DNAJC3: variants seen among roughly 807,000 people sequenced by gnomAD.
The protein encoded by DNAJC3 is dnaJ homolog subfamily C member 3.
In DNAJC3, 38 loss-of-function variants were observed where a neutral mutation model predicts 68.6. The ratio of observed to expected loss-of-function variants is 0.55; its 90% CI spans 0.43 to 0.73. DNAJC3 has a LOEUF of 0.73. Among genes scored for constraint, DNAJC3 ranks in the 30% least tolerant of loss-of-function variants. The pLI is 0.00. For synonymous variants in DNAJC3, 203 were observed against 204.0 expected (o/e 1.00, Z 0.04); for missense variants, 526 against 591.9 (o/e 0.89, Z 1.16).
At chr13:95,757,574 C>T in intron 4 of DNAJC3, 70 bp from the exon 5 acceptor site, 1 of 1,396,544 alleles carries the variant, frequency 7.2e-7, no homozygotes. Context: ...AATGGTTTAC[C>T]CTTGTGTATA....
At chr13:95,740,608 G>C (rs1326222209) in intron 4 of DNAJC3, among the ~76,000 whole-genome samples, 2 of 152,214 alleles carry the variant, frequency 1.3e-5, no homozygotes, top group Admixed American at 6.5e-5. Flanking sequence ...CTTTGACTCA[G>C]AAAGGGAACT....
At chr13:95,768,983 TTATCTATATCTATATCTATATCTA>T (rs67826872) in intron 9 of DNAJC3, among the ~76,000 whole-genome samples, 28,471 of 148,164 alleles carry the variant, frequency 0.19, 3,609 homozygotes, top group African/African-American at 0.35. Flanking sequence ...CTCCAAAAAA[TTATCTATATCTATATCTATATCTA>T]TATCTATATC....
At chr13:95,719,477 A>G (rs997034934) in intron 2 of DNAJC3, among the ~76,000 whole-genome samples, 1 of 152,156 alleles carries the variant, frequency 6.6e-6, no homozygotes, top group African/African-American at 2.4e-5. Flanking sequence ...AGAGTACTCA[A>G]AGTTCCAACC....
chr13:95,695,033 A>T (rs1198502831), intron 1 of DNAJC3: 1 of 152,314 alleles, frequency 6.6e-6, no homozygotes, highest in African/African-American at 2.4e-5. Context: ...GCCATTCCAT[A>T]TATTGGAACG....
At chr13:95,713,861 A>G (rs1022684581) in intron 2 of DNAJC3, among the ~76,000 whole-genome samples, 1 of 152,216 alleles carries the variant, frequency 6.6e-6, no homozygotes, top group East Asian at 1.9e-4. Context: ...GGGATGAGTC[A>G]GATACCCCAG....
At chr13:95,719,455 C>T (rs903269051) in intron 2 of DNAJC3, among the ~76,000 whole-genome samples, 3 of 152,248 alleles carry the variant, frequency 2.0e-5, no homozygotes, top group Non-Finnish European at 2.9e-5. Flanking sequence ...TTCAACAACC[C>T]GAGGAGGGTA....
intron 4 of DNAJC3, among the ~76,000 whole-genome samples, chr13:95,735,915 G>C (rs1881901026): frequency 6.6e-6 from 1 of 152,186 alleles, no homozygotes; most frequent in African/African-American, 2.4e-5. Context: ...GTCCTGAATG[G>C]TAATGCCTAG....
rs3086610 is a variant in DNAJC3, at chr13:95,679,199, CTTT to C, written c.82+1881_82+1883del. On this transcript the variant is annotated intron_variant, in intron 1 of 11. Transcript: ENST00000602402. Reference sequence around the variant, plus strand: ...TGGCAGCTGAGAAAAAAAATCAGCACTTTTTTTTTTTTTTTTTTTTTGTAATTA... The same window carrying C: ...TGGCAGCTGAGAAAAAAAATCAGCACTTTTTTTTTTTTTTTTTTGTAATTA... Among the ~76,000 whole-genome samples, 699 of 108,388 alleles carry C rather than the reference CTTT, an allele frequency of 6.4e-3. 3 individuals are homozygous for C. The highest frequency in any genetic ancestry group is 8.1e-3 in the Non-Finnish European group (460 of 57,040). The allele number at this position is 108,388 out of a possible 152,430, so 71.1% of individuals were successfully genotyped here.
At chr13:95,788,401 C>T (rs1182667283) in intron 11 of DNAJC3, among the ~76,000 whole-genome samples, 1 of 152,218 alleles carries the variant, frequency 6.6e-6, no homozygotes, top group African/African-American at 2.4e-5. Context: ...ATGGGTGTCC[C>T]TGCACAGAGG....
intron 2 of DNAJC3, among the ~76,000 whole-genome samples, chr13:95,715,607 C>T (rs905056620): frequency 2.6e-5 from 4 of 151,452 alleles, no homozygotes; most frequent in African/African-American, 9.7e-5. Flanking sequence ...GCCTCCTGAG[C>T]AGCCCGAGCA....
intron 1 of DNAJC3, among the ~76,000 whole-genome samples, chr13:95,686,879 A>G (rs923796968): frequency 1.3e-5 from 2 of 152,096 alleles, no homozygotes; most frequent in Admixed American, 6.5e-5. Flanking sequence ...TTGGTGCTGT[A>G]TGGACTTTAG....
chr13:95,786,756 G>T (rs1456578370), intron 10 of DNAJC3, among the ~76,000 whole-genome samples: 1 of 152,064 alleles, frequency 6.6e-6, no homozygotes, highest in Non-Finnish European at 1.5e-5. Flanking sequence ...TTTAAAAAAG[G>T]GAAAGTTCTA....
intron 5 of DNAJC3, among the ~76,000 whole-genome samples, chr13:95,759,028 A>G (rs1882744998): frequency 6.6e-6 from 1 of 152,152 alleles, no homozygotes; most frequent in Non-Finnish European, 1.5e-5. Flanking sequence ...ATTTATGTAT[A>G]ATGTTGGTTT....
chr13:95,740,489 C>A (rs1882097748), intron 4 of DNAJC3, among the ~76,000 whole-genome samples: 1 of 152,234 alleles, frequency 6.6e-6, no homozygotes, highest in Non-Finnish European at 1.5e-5. Context: ...ACCCTCCGAG[C>A]CAGGTGCCGG....
chr13:95,752,469 G>A (rs1394308900), intron 4 of DNAJC3, among the ~76,000 whole-genome samples: 2 of 152,108 alleles, frequency 1.3e-5, no homozygotes, highest in Non-Finnish European at 2.9e-5. Flanking sequence ...GTTGTGATTT[G>A]TGCTTTGGTT....
intron 4 of DNAJC3, among the ~76,000 whole-genome samples, chr13:95,730,856 A>G (rs1593986295): frequency 6.6e-6 from 1 of 152,162 alleles, no homozygotes; most frequent in East Asian, 1.9e-4. Flanking sequence ...TGACATTGGT[A>G]TTTTGATACA....
chr13:95,738,917 C>G (rs1457112523), intron 4 of DNAJC3, among the ~76,000 whole-genome samples: 1 of 151,914 alleles, frequency 6.6e-6, no homozygotes, highest in Non-Finnish European at 1.5e-5. Context: ...TCTTCCTAGT[C>G]TCGATGGTCT....
intron 2 of DNAJC3, among the ~76,000 whole-genome samples, chr13:95,717,512 G>A (rs1178304366): frequency 6.6e-6 from 1 of 152,196 alleles, no homozygotes; most frequent in African/African-American, 2.4e-5. Context: ...TCAGTTGGGT[G>A]AGCTGAGAGA....
intron 11 of DNAJC3, among the ~76,000 whole-genome samples, chr13:95,789,736 A>G (rs541916325): frequency 1.1e-4 from 17 of 152,314 alleles, no homozygotes; most frequent in African/African-American, 3.8e-4. Context: ...GTCTTCCACA[A>G]TGGCTGAATG....
Sources: allele counts gnomAD v4.1 joint callset (sites outside exome capture counted in the v4.1 genomes callset), GRCh38; gene constraint gnomAD v4.1.1; transcripts MANE v1.5; gene names NCBI Gene and HGNC (gene_info 2026-07-23, HGNC 2026-07-21).